IL18BP: variants seen among roughly 807,000 people sequenced by gnomAD.
IL18BP encodes the protein interleukin-18-binding protein.
Under a neutral mutation model 19.9 loss-of-function variants are expected in IL18BP, and 23 were observed. The ratio of observed to expected loss-of-function variants is 1.15; its 90% CI spans 0.83 to 1.64. The LOEUF (loss-of-function observed/expected upper bound fraction) is 1.64, where lower values mean the gene tolerates loss of function less well. Among genes scored for constraint, IL18BP ranks in the 40% most tolerant of loss-of-function variants. The probability of loss-of-function intolerance (pLI) is 0.00; values close to 1 mark genes in which losing one functional copy is unlikely to be tolerated. For synonymous variants in IL18BP, 107 were observed against 101.0 expected (o/e 1.06, Z -0.35); for missense variants, 239 against 240.7 (o/e 0.99, Z 0.05).
chr11:72,001,061 C>T (rs1955194870), intron 3 of IL18BP, 140 bp from the exon 4 acceptor site: 1 of 965,218 alleles, frequency 1.0e-6, no homozygotes, highest in Non-Finnish European at 1.5e-6. Flanking sequence ...AACGGACGTT[C>T]CCACCTAGGT....
At chr11:72,000,743 C>T (rs1049990715) in intron 3 of IL18BP, among the ~76,000 whole-genome samples, 186 bp downstream of exon 3, 2 of 152,152 alleles carry the variant, frequency 1.3e-5, no homozygotes, top group African/African-American at 4.8e-5. Flanking sequence ...CAAGATGCTC[C>T]CTATCAAATA....
chr11:72,004,696 G>T, downstream of IL18BP: 1 of 1,613,810 alleles, frequency 6.2e-7, no homozygotes, highest in Non-Finnish European at 8.5e-7. Flanking sequence ...CGCTGCTGCC[G>T]GGTGGTGATG....
At chr11:72,006,503 T>C (rs549171637), downstream of IL18BP, among the ~76,000 whole-genome samples, 3 of 152,302 alleles carry the variant, frequency 2.0e-5, no homozygotes, top group Admixed American at 1.3e-4. Flanking sequence ...TTCATAATGC[T>C]TTGAGGTAGG....
downstream of IL18BP, chr11:72,004,773 G>A: frequency 6.3e-7 from 1 of 1,599,064 alleles, no homozygotes; most frequent in Non-Finnish European, 8.5e-7. Context: ...GGGGTCTCCA[G>A]TTTTCATCTC....
At chr11:72,000,620 C>G in intron 3 of IL18BP, 63 bp downstream of exon 3, 1 of 1,396,420 alleles carries the variant, frequency 7.2e-7, no homozygotes, top group Non-Finnish European at 1.0e-6. Flanking sequence ...CGGGTTGACT[C>G]CTGAGCGCCA....
At chr11:72,000,757 CA>C (rs1955173351) in intron 3 of IL18BP, among the ~76,000 whole-genome samples, 200 bp downstream of exon 3, 2 of 152,316 alleles carry the variant, frequency 1.3e-5, no homozygotes, top group Admixed American at 6.5e-5. Context: ...TCAAATAGGA[CA>C]GAGAACTCAA....
At chr11:72,005,175 G>A, downstream of IL18BP, 1 of 1,506,722 alleles carries the variant, frequency 6.6e-7, no homozygotes, top group Non-Finnish European at 8.9e-7. Flanking sequence ...AGATCAGCAG[G>A]TGGGATTCCA....
chr11:72,007,022 A>C (rs549333784), downstream of IL18BP, among the ~76,000 whole-genome samples: 4 of 152,310 alleles, frequency 2.6e-5, no homozygotes, highest in African/African-American at 9.6e-5. Context: ...TTTCTTCAGA[A>C]GTGCCCTTAA....
Position 72,000,534 on chromosome 11 carries a change from G to A in IL18BP, c.212G>A (p.Trp71Ter). 1 of 1,612,160 alleles carries A rather than the reference G, an allele frequency of 6.2e-7. No homozygotes were observed. The highest frequency in any genetic ancestry group is 8.5e-7 in the Non-Finnish European group (1 of 1,180,008). Residue 71 changes from tryptophan (W) to a stop codon, truncating the protein, a stop_gained, in exon 3 of 6, where the codon TGG becomes TAG. Transcript: ENST00000393703. LOFTEE classifies it high-confidence loss of function. ...AKQCPALEVT[W>*]PEVEVPLNGT... Reference sequence around the variant, plus strand: ...CAGTGTCCAGCATTGGAAGTGACCTGGCCAGAGGTGGAAGTGCCACTGAGT... The same window carrying A: ...CAGTGTCCAGCATTGGAAGTGACCTAGCCAGAGGTGGAAGTGCCACTGAGT...
At chr11:72,008,068 T>C (rs1427989530), downstream of IL18BP, 2 of 474,294 alleles carry the variant, frequency 4.2e-6, no homozygotes, top group Non-Finnish European at 8.4e-6. Flanking sequence ...GATTCATCTG[T>C]TAAAGGAGAC....
chr11:72,007,255 G>A (rs1040787446), downstream of IL18BP: 2 of 1,613,106 alleles, frequency 1.2e-6, no homozygotes, highest in Non-Finnish European at 1.7e-6. Context: ...TACGACCCGA[G>A]TCCAGGAAGA....
intron 3 of IL18BP, 45 bp downstream of exon 3, chr11:72,000,602 C>T (rs370410841): frequency 6.4e-7 from 1 of 1,553,516 alleles, no homozygotes; most frequent in Non-Finnish European, 8.8e-7. Flanking sequence ...CACAGAGGTT[C>T]CCAGGGTCGG....
At chr11:72,000,250 C>T in intron 2 of IL18BP, 101 bp from the exon 3 acceptor site, 2 of 1,119,360 alleles carry the variant, frequency 1.8e-6, no homozygotes, top group East Asian at 2.4e-5. Context: ...CGCTCTGATT[C>T]CCTGGCTAGA....
chr11:72,007,312 A>G, downstream of IL18BP: 1 of 1,613,460 alleles, frequency 6.2e-7, no homozygotes, highest in Non-Finnish European at 8.5e-7. Flanking sequence ...CCTGACTCCG[A>G]GCAGGGATGG....
intron 1 of IL18BP, 135 bp downstream of exon 1, chr11:71,999,154 G>T (rs1393232414): frequency 1.9e-6 from 1 of 517,488 alleles, no homozygotes; most frequent in East Asian, 5.5e-5. Context: ...GGAGTGGGTA[G>T]CCTGGGAAAG....
At chr11:72,008,116 T>A, downstream of IL18BP, 1 of 479,536 alleles carries the variant, frequency 2.1e-6, no homozygotes, top group Non-Finnish European at 4.2e-6. Flanking sequence ...GGGGGACAAA[T>A]CAGGTATAAT....
chr11:72,004,724 C>A (rs1278587123), downstream of IL18BP: 1 of 1,613,538 alleles, frequency 6.2e-7, no homozygotes, highest in Non-Finnish European at 8.5e-7. Flanking sequence ...CCTCGGCTAT[C>A]TGGATTGGCT....
chr11:72,005,635 G>T, downstream of IL18BP: 1 of 519,822 alleles, frequency 1.9e-6, no homozygotes, highest in Non-Finnish European at 3.4e-6. Context: ...AAGGCTTGGT[G>T]GCCAACACCC....
chr11:72,007,373 G>C (rs1197957958), downstream of IL18BP: 6 of 1,613,744 alleles, frequency 3.7e-6, no homozygotes, highest in African/African-American at 8.0e-5. Flanking sequence ...CAGGCGCTGG[G>C]AGATAGGTGA....
Sources: allele counts gnomAD v4.1 joint callset (sites outside exome capture counted in the v4.1 genomes callset), GRCh38; gene constraint gnomAD v4.1.1; transcripts MANE v1.5; gene names NCBI Gene and HGNC (gene_info 2026-07-23, HGNC 2026-07-21).